Variants in EML5 observed in about 807,000 individuals in gnomAD.
EML5 encodes the protein echinoderm microtubule-associated protein-like 5.
In EML5, 120 loss-of-function variants were observed where a neutral mutation model predicts 250.0. The ratio of observed to expected loss-of-function variants is 0.48; its 90% CI spans 0.41 to 0.56. EML5 has a LOEUF of 0.56. EML5 is among the 20% of genes least tolerant of loss of function. The probability of loss-of-function intolerance (pLI) is 0.00; values close to 1 mark genes in which losing one functional copy is unlikely to be tolerated. For synonymous variants in EML5, 771 were observed against 806.5 expected (o/e 0.96, Z 0.75); for missense variants, 2,006 against 2,437.6 (o/e 0.82, Z 3.73).
intron 10 of EML5, among the ~76,000 whole-genome samples, chr14:88,710,032 G>A (rs1326265898): frequency 6.6e-6 from 1 of 152,108 alleles, no homozygotes; most frequent in Non-Finnish European, 1.5e-5. Flanking sequence ...CAGTGATGGA[G>A]GTGATGGGCT....
chr14:88,644,465 T>C lies in EML5; in HGVS notation c.4075A>G (p.Asn1359Asp). The change falls in exon 30 of 44, where the codon AAC becomes GAC. Residue 1359 changes from asparagine to aspartate, a missense_variant. Transcript: ENST00000554922. ...GGTCTCTTTTTCTTGCCTACATTGT[T>C]TGTCTGGAGTTTCTCTGGCTGTGGT... ...APPQPEKLQT[N>D]NVGKKKRPIE... The C allele has an allele frequency of 6.2e-7, 1 of 1,613,792 alleles. No individual in the cohort carries two copies. The highest frequency in any genetic ancestry group is 8.5e-7 in the Non-Finnish European group (1 of 1,179,796).
At chr14:88,731,755 A>G (rs559386449) in intron 7 of EML5, among the ~76,000 whole-genome samples, 3,022 of 152,088 alleles carry the variant, frequency 0.02, 118 homozygotes, top group African/African-American at 0.069. Flanking sequence ...TTTAATGATC[A>G]CCATTCTAAC....
intron 21 of EML5, among the ~76,000 whole-genome samples, chr14:88,679,403 G>T (rs1470849240): frequency 6.6e-6 from 1 of 151,744 alleles, no homozygotes; most frequent in African/African-American, 2.4e-5. Flanking sequence ...ATCAATAAAG[G>T]GGCTATAGCC....
chr14:88,688,281 G>A lies in EML5; in HGVS notation c.2732C>T (p.Ala911Val). Residue 911 changes from alanine to valine, a missense_variant, in exon 18 of 44, where the codon GCA becomes GTA. By Grantham distance (64) the Ala-to-Val change is moderately conservative. Around this residue, in one of 7 missense-constraint regions of EML5, gnomAD observed 1,375 missense variants for 1,590.3 expected, o/e 0.86. Transcript: ENST00000554922. Reference protein sequence around the residue: ...AHDGPVFSMHALEKGFVTGGK... With the variant: ...AHDGPVFSMHVLEKGFVTGGK... ...CTTTAGGTTACTTACTTTTTCCAATGCATGCATACTGAACACTGGCCCATC... is the reference window on the plus strand; with the variant it reads ...CTTTAGGTTACTTACTTTTTCCAATACATGCATACTGAACACTGGCCCATC... 6.2e-7 allele frequency: 1 copy of A among 1,613,706 alleles called. No individual in the cohort carries two copies. Among genetic ancestry groups the A allele is most frequent in the Non-Finnish European group, 8.5e-7 (1 of 1,179,832 alleles).
At chr14:88,626,814 C>G in intron 35 of EML5, 24 bp downstream of exon 35, 1 of 1,611,508 alleles carries the variant, frequency 6.2e-7, no homozygotes, top group South Asian at 1.1e-5. Context: ...CAAAGTCACA[C>G]TATGTGCATT....
At chr14:88,778,375 T>G (rs1278022635) in intron 1 of EML5, among the ~76,000 whole-genome samples, 1 of 152,226 alleles carries the variant, frequency 6.6e-6, no homozygotes, top group African/African-American at 2.4e-5. Context: ...AAAACTTCAA[T>G]TTTGAGTGTA....
intron 1 of EML5, among the ~76,000 whole-genome samples, chr14:88,774,801 G>C (rs1182902174): frequency 6.6e-6 from 1 of 152,114 alleles, no homozygotes; most frequent in East Asian, 1.9e-4. Context: ...TTTAAATACT[G>C]TCTATATGCT....
Position 88,625,160 on chromosome 14 carries a change from C to G in EML5, c.4741-33G>C, listed in dbSNP as rs2089725682. ...GGAGTGGGGGAGGGGGAGACAAACT[C>G]ATCAAAAGTTCAAATAGAGTTTAAA... On this transcript the variant is annotated intron_variant, in intron 35 of 43. Coordinates refer to ENST00000554922, the MANE Select transcript of EML5 (RefSeq NM_183387.3). The G allele has an allele frequency of 3.1e-6, 5 of 1,609,144 alleles. No individual in the cohort carries two copies. In the South Asian group the frequency reaches 5.5e-5, roughly 18 times the overall value.
chr14:88,698,895 C>T (rs576052976), intron 14 of EML5, among the ~76,000 whole-genome samples: 1 of 152,154 alleles, frequency 6.6e-6, no homozygotes, highest in East Asian at 1.9e-4. Context: ...GACTCATGTA[C>T]CAATCACAAC....
chr14:88,660,959 A>AT (rs2092077329), intron 25 of EML5, among the ~76,000 whole-genome samples: 1 of 152,096 alleles, frequency 6.6e-6, no homozygotes, highest in African/African-American at 2.4e-5. Flanking sequence ...AAGTGTAAGT[A>AT]TTTTCTATTT....
chr14:88,689,820 A>C (rs968730643), intron 17 of EML5, among the ~76,000 whole-genome samples: 1 of 152,214 alleles, frequency 6.6e-6, no homozygotes, highest in Non-Finnish European at 1.5e-5. Flanking sequence ...ACTTATGAAC[A>C]GAACAGGCAA....
chr14:88,779,902 T>C (rs557828791), intron 1 of EML5, among the ~76,000 whole-genome samples: 15 of 152,310 alleles, frequency 9.8e-5, no homozygotes, highest in African/African-American at 3.1e-4. Flanking sequence ...TTTTTACTTC[T>C]ATGTTACTGT....
At chr14:88,739,228 T>C (rs769992616) in intron 5 of EML5, among the ~76,000 whole-genome samples, 1 of 152,218 alleles carries the variant, frequency 6.6e-6, no homozygotes, top group Non-Finnish European at 1.5e-5. Flanking sequence ...GGCTCACTTA[T>C]ATGGATTTTT....
In EML5 at chr14:88,726,557, T is replaced by A; in HGVS notation, c.1171A>T (p.Thr391Ser). 3.7e-6 allele frequency: 6 copies of A among 1,606,436 alleles called. No homozygotes were observed. Among genetic ancestry groups the A allele is most frequent in the Non-Finnish European group, 5.1e-6 (6 of 1,176,106 alleles). ...LALGMKDGSFTVLRVRDMTEV... is the reference protein window; with the variant it reads ...LALGMKDGSFSVLRVRDMTEV... ...ATACCATACCTTACTCTAAGTACAG[T>A]GAATGAGCCATCCTTCATTCCAAGG... The change falls in exon 8 of 44, where the codon ACT (threonine) becomes TCT (serine). Residue 391 changes from threonine to serine, a missense_variant. Thr to Ser is a moderately conservative substitution (Grantham distance 58). Around this residue, in one of 7 missense-constraint regions of EML5, gnomAD observed 1,375 missense variants for 1,590.3 expected, o/e 0.86. Coordinates refer to ENST00000554922, the MANE Select transcript of EML5 (RefSeq NM_183387.3).
At chr14:88,727,424 G>A (rs1252391158) in intron 7 of EML5, among the ~76,000 whole-genome samples, 2 of 137,180 alleles carry the variant, frequency 1.5e-5, no homozygotes, top group African/African-American at 2.9e-5. Context: ...TTTTTGAGAC[G>A]GAGTTTCGTT....
At chr14:88,657,568 G>A in intron 26 of EML5, 66 bp from the exon 27 acceptor site, 13 of 1,409,938 alleles carry the variant, frequency 9.2e-6, no homozygotes, top group South Asian at 6.4e-5. Flanking sequence ...CTTATAAATT[G>A]GATACAAAGA....
At chr14:88,717,192 G>T (rs2093510701) in intron 8 of EML5, among the ~76,000 whole-genome samples, 1 of 152,204 alleles carries the variant, frequency 6.6e-6, no homozygotes. Flanking sequence ...ATTTAGCTCA[G>T]CAGAAGATAG....
chr14:88,764,558 T>C (rs949921975), intron 1 of EML5, among the ~76,000 whole-genome samples: 1 of 152,182 alleles, frequency 6.6e-6, no homozygotes, highest in African/African-American at 2.4e-5. Flanking sequence ...ACTTTAGGTT[T>C]TTCTCTATTG....
At chr14:88,647,503 C>G (rs955442055) in intron 28 of EML5, among the ~76,000 whole-genome samples, 1 of 151,856 alleles carries the variant, frequency 6.6e-6, no homozygotes, top group African/African-American at 2.4e-5. Context: ...TTGAGACCAG[C>G]CTGGGCAACA....
Sources: gnomAD v4.1 joint callset for allele counts (sites outside exome capture counted in the v4.1 genomes callset) on GRCh38, gnomAD v4.1.1 for gene constraint, gnomAD v4.1.1 regional missense constraint, MANE v1.5 for transcripts, NCBI Gene and HGNC (gene_info 2026-07-23, HGNC 2026-07-21) for gene names.